The following FTCD variants were observed in gnomAD, a reference collection of about 807,000 sequenced individuals.
FTCD encodes formimidoyltransferase-cyclodeaminase.
A neutral mutation model predicts 62.9 loss-of-function variants in FTCD; 76 were observed. The ratio of observed to expected loss-of-function variants is 1.21; its 90% confidence interval spans 1.00 to 1.46. The LOEUF (loss-of-function observed/expected upper bound fraction) is 1.46, where lower values mean the gene tolerates loss of function less well. FTCD is among the 40% of genes most tolerant of loss of function. The pLI, the probability that FTCD is intolerant of heterozygous loss-of-function variation, is 0.00. For synonymous variants in FTCD, 397 were observed against 336.9 expected (o/e 1.18, Z -1.95); for missense variants, 845 against 751.3 (o/e 1.12, Z -1.46).
At chr21:46,139,046 C>G (rs2078937208) in intron 10 of FTCD, 123 bp from the exon 11 acceptor site, 1 of 787,104 alleles carries the variant, frequency 1.3e-6, no homozygotes, top group African/African-American at 1.7e-5. Context: ...CTCTGGGAAC[C>G]AAGCTTCTGT....
In FTCD at chr21:46,138,623, C is replaced by T; in HGVS notation, c.1328G>A (p.Gly443Asp). The T allele has an allele frequency of 6.3e-7, 1 of 1,594,400 alleles. No individual in the cohort carries two copies. Among genetic ancestry groups the T allele is most frequent in the Non-Finnish European group, 8.5e-7 (1 of 1,177,452 alleles). The stretch of plus-strand genomic sequence containing the variant: ...CGGCACAGAGACTGCCCGCCTCAGA[C>T]CCTCCTGTAGGGCCGCCGTGCGCCT... ...KDRRTAALQE[G>D]LRRAVSVPLT... Residue 443 changes from glycine (G) to aspartate (D), a missense_variant, in exon 12 of 14, where the codon GGT becomes GAT. By Grantham distance (94) the Gly-to-Asp change is moderately conservative (BLOSUM62 -1). Coordinates refer to ENST00000397746, the MANE Select transcript of FTCD (RefSeq NM_206965.2).
At chr21:46,153,634 C>T (rs2079357553) in intron 2 of FTCD, among the ~76,000 whole-genome samples, 2 of 152,246 alleles carry the variant, frequency 1.3e-5, no homozygotes, top group Non-Finnish European at 2.9e-5. Context: ...AGCTTCTCAT[C>T]CATCCACCCC....
chr21:46,155,056 G>A (rs1018522332), intron 1 of FTCD, among the ~76,000 whole-genome samples: 1 of 152,226 alleles, frequency 6.6e-6, no homozygotes, highest in African/African-American at 2.4e-5. Context: ...GGCTCAGCAA[G>A]CTAACTCCAG....
chr21:46,147,919 G>T (rs1384042304), intron 7 of FTCD, among the ~76,000 whole-genome samples: 1 of 150,542 alleles, frequency 6.6e-6, no homozygotes, highest in Non-Finnish European at 1.5e-5. Flanking sequence ...CTCCGGCCTG[G>T]GTGACAAAGT....
At position 46,146,332 on chromosome 21, in the gene FTCD, A is replaced by AAAAGGGGCTTGGAGTGG; in HGVS notation, c.907-22_907-6dup. On this transcript the variant is annotated splice_polypyrimidine_tract_variant and splice_region_variant and intron_variant, in intron 7 of 13. Transcript: ENST00000397746. ...CAGGCCCAGCCGGCTCACCACCTGG[A>AAAAGGGGCTTGGAGTGG]AAAGGGGCTTGGAGTGGAAACGGCC... is the stretch of plus-strand genomic sequence containing the variant. 6.3e-7 allele frequency: 1 copy of AAAAGGGGCTTGGAGTGG among 1,595,550 alleles called. No homozygotes were observed. Among genetic ancestry groups the AAAAGGGGCTTGGAGTGG allele is most frequent in the Non-Finnish European group, 8.5e-7 (1 of 1,169,684 alleles).
rs746980247 is a variant in FTCD, at chr21:46,151,924, G to A, written c.424C>T (p.Arg142Trp). Residue 142 changes from arginine (R) to tryptophan (W), a missense_variant, in exon 4 of 14, where the codon CGG (arginine) becomes TGG (tryptophan). Coordinates refer to ENST00000397746, the MANE Select transcript of FTCD (RefSeq NM_206965.2). ...GGGAGGGCCTCGTACTCCCCGGCCC[G>A]GATGGCCGGCAGGGTCCGGCGACTG... ...MDSRRTLPAI[R>W]AGEYEALPKK... 3.0e-5 allele frequency: 47 copies of A among 1,571,728 alleles called. No homozygotes were observed. In the Middle Eastern group the frequency reaches 5.2e-4, roughly 17 times the overall value.
Position 46,146,310 on chromosome 21 carries a change from G to A in FTCD, c.924C>T (p.Gly308=). The change falls in exon 8 of 14, where the codon GGC becomes GGT. Residue 308 remains glycine (G), a synonymous_variant. Coordinates refer to ENST00000397746, the MANE Select transcript of FTCD (RefSeq NM_206965.2). ...QRIRLVVSRL[G]LDSLCPFSPK... ...GGCTGAAGGGGCACAGGGAGTCCAG[G>A]CCCAGCCGGCTCACCACCTGGAAAA... 6.2e-7 allele frequency: 1 copy of A among 1,603,386 alleles called. No homozygotes were observed. The highest frequency in any genetic ancestry group is 8.5e-7 in the Non-Finnish European group (1 of 1,174,976).
In FTCD at chr21:46,138,568, C is replaced by A. The variant is rs781255845; in HGVS notation, c.1383G>T (p.Leu461=). 6.3e-7 allele frequency: 1 copy of A among 1,587,410 alleles called. No homozygotes were observed. The change falls in exon 12 of 14, where the codon CTG becomes CTT. Residue 461 remains leucine, a synonymous_variant. Coordinates refer to ENST00000397746, the MANE Select transcript of FTCD (RefSeq NM_206965.2). The part of the protein sequence containing the change: ...PLTLAETVAS[L]WPALQELARC... Reference sequence around the variant, plus strand: ...GGGCCAGTTCCTGCAGGGCCGGCCACAGCGAGGCCACCGTCTCCGCCAGCG... The same window carrying A: ...GGGCCAGTTCCTGCAGGGCCGGCCAAAGCGAGGCCACCGTCTCCGCCAGCG...
chr21:46,139,045 C>G, intron 10 of FTCD, 122 bp from the exon 11 acceptor site: 1 of 798,180 alleles, frequency 1.3e-6, no homozygotes, highest in East Asian at 2.5e-5. Flanking sequence ...TCTCTGGGAA[C>G]CAAGCTTCTG....
At chr21:46,144,736 C>G (rs1239793940) in intron 10 of FTCD, among the ~76,000 whole-genome samples, 1 of 120,708 alleles carries the variant, frequency 8.3e-6, no homozygotes, top group African/African-American at 3.4e-5. Context: ...TCTCCCCTCC[C>G]TCTCTCTCTC....
chr21:46,136,519 C>T (rs780413092), downstream of FTCD: 3 of 1,611,342 alleles, frequency 1.9e-6, no homozygotes, highest in Admixed American at 1.7e-5. Flanking sequence ...GAACCAGGGC[C>T]CCTTTCCCTC....
chr21:46,149,455 C>T (rs2079216604), intron 7 of FTCD, among the ~76,000 whole-genome samples: 1 of 151,728 alleles, frequency 6.6e-6, no homozygotes, highest in Admixed American at 6.6e-5. Flanking sequence ...AGTAAAAACA[C>T]AAACAGACAA....
At chr21:46,152,007 TG>T in intron 3 of FTCD, 27 bp from the exon 4 acceptor site, 1 of 1,517,242 alleles carries the variant, frequency 6.6e-7, no homozygotes, top group Non-Finnish European at 8.9e-7. Context: ...CGGTCAGGCC[TG>T]GACCGGCAGG....
In FTCD at chr21:46,152,891, G is replaced by C; in HGVS notation, c.367+16C>G. The C allele has an allele frequency of 6.4e-7, 1 of 1,555,364 alleles. No individual in the cohort carries two copies. The highest frequency in any genetic ancestry group is 8.7e-7 in the Non-Finnish European group (1 of 1,146,614). Reference sequence around the variant, plus strand: ...GAGACGGGAGCAGAGTGAGGGGGGCGGGGGGGCACGCTCACCTGGCACGTC... The same window carrying C: ...GAGACGGGAGCAGAGTGAGGGGGGCCGGGGGGCACGCTCACCTGGCACGTC... On this transcript the variant is annotated intron_variant, in intron 3 of 13. Transcript: ENST00000397746.
chr21:46,140,380 G>C (rs1471550515), intron 10 of FTCD, among the ~76,000 whole-genome samples: 19 of 143,166 alleles, frequency 1.3e-4, no homozygotes, highest in African/African-American at 5.2e-4. Flanking sequence ...CCTTCACGTG[G>C]CTCACAGGGA....
chr21:46,149,273 A>G (rs2079213438), intron 7 of FTCD, among the ~76,000 whole-genome samples: 1 of 152,230 alleles, frequency 6.6e-6, no homozygotes, highest in Non-Finnish European at 1.5e-5. Flanking sequence ...GTGAATCCAG[A>G]GGAAAGGAGT....
rs781255845 is a variant in FTCD at position 46,138,568 on chromosome 21, C to T, written c.1383G>A (p.Leu461=). 2 of 1,587,410 alleles carry T rather than the reference C, an allele frequency of 1.3e-6. No homozygotes were observed. The highest frequency in any genetic ancestry group is 1.7e-6 in the Non-Finnish European group (2 of 1,174,086). Residue 461 remains leucine, a synonymous_variant, in exon 12 of 14, where the codon CTG becomes CTA. Coordinates refer to ENST00000397746, the MANE Select transcript of FTCD (RefSeq NM_206965.2). ...PLTLAETVAS[L]WPALQELARC... ...GGGCCAGTTCCTGCAGGGCCGGCCA[C>T]AGCGAGGCCACCGTCTCCGCCAGCG...
downstream of FTCD, chr21:46,136,320 C>A: frequency 1.2e-6 from 1 of 859,208 alleles, no homozygotes; most frequent in Admixed American, 2.3e-5. Flanking sequence ...GCTGGCTGGG[C>A]AGGGAGCTGA....
At chr21:46,154,438 G>A (rs768874372) in intron 1 of FTCD, 106 bp from the exon 2 acceptor site, 18 of 1,360,004 alleles carry the variant, frequency 1.3e-5, no homozygotes, top group East Asian at 1.2e-4. Context: ...CTGAGGAGGC[G>A]GGCCAAGCCT....
Sources: gnomAD v4.1 joint callset for allele counts (sites outside exome capture counted in the v4.1 genomes callset) on GRCh38, gnomAD v4.1.1 for gene constraint, MANE v1.5 for transcripts, NCBI Gene and HGNC (gene_info 2026-07-23, HGNC 2026-07-21) for gene names.